CDKL3: variants seen among roughly 807,000 people sequenced by gnomAD.
CDKL3 encodes cyclin-dependent kinase-like 3.
Under a neutral mutation model 69.3 loss-of-function variants are expected in CDKL3, and 65 were observed. The ratio of observed to expected loss-of-function variants is 0.94; its 90% CI spans 0.77 to 1.15. The LOEUF (loss-of-function observed/expected upper bound fraction) is 1.15, where lower values mean the gene tolerates loss of function less well. Among genes scored for constraint, CDKL3 ranks in the 50% most tolerant of loss-of-function variants. The probability of loss-of-function intolerance (pLI) is 0.00; values close to 1 mark genes in which losing one functional copy is unlikely to be tolerated. For missense variants in CDKL3, 652 were observed against 689.2 expected (o/e 0.95, Z 0.61); for synonymous variants, 202 against 221.6 (o/e 0.91, Z 0.79).
intron 6 of CDKL3, 45 bp downstream of exon 6, chr5:134,319,313 G>GAGCA (rs1477837016): frequency 4.9e-5 from 70 of 1,442,934 alleles, no homozygotes; most frequent in Non-Finnish European, 6.3e-5. Context: ...CTGGGCGACA[G>GAGCA]AGCAAGACTC....
chr5:134,300,064 C>T (rs965656182), intron 12 of CDKL3, among the ~76,000 whole-genome samples: 4 of 152,114 alleles, frequency 2.6e-5, no homozygotes, highest in South Asian at 2.1e-4. Context: ...CCTGGCAGGG[C>T]GTGGTGGCTC....
chr5:134,308,071 C>G, intron 9 of CDKL3, 67 bp downstream of exon 9: 3 of 1,497,376 alleles, frequency 2.0e-6, no homozygotes, highest in Middle Eastern at 1.8e-4. Context: ...ACTATGAACA[C>G]GATTCTTTGA....
At chr5:134,362,943 C>G (rs1756413570) in intron 2 of CDKL3, among the ~76,000 whole-genome samples, 1 of 152,040 alleles carries the variant, frequency 6.6e-6, no homozygotes. Context: ...ACAATAACAA[C>G]AACAATAACA....
chr5:134,332,721 G>A (rs1233855611), intron 4 of CDKL3, among the ~76,000 whole-genome samples: 2 of 152,182 alleles, frequency 1.3e-5, no homozygotes, highest in Non-Finnish European at 2.9e-5. Flanking sequence ...TTGAAGTCAG[G>A]TAGTGTGATG....
downstream of CDKL3, among the ~76,000 whole-genome samples, chr5:134,285,621 C>T (rs1289030163): frequency 3.3e-5 from 5 of 152,226 alleles, no homozygotes; most frequent in Admixed American, 1.3e-4. Context: ...GAGACATTTT[C>T]CCCATTGTCT....
chr5:134,349,017 T>TG (rs1418444668), intron 4 of CDKL3, among the ~76,000 whole-genome samples: 1 of 152,178 alleles, frequency 6.6e-6, no homozygotes, highest in African/African-American at 2.4e-5. Flanking sequence ...GTTAGAATCC[T>TG]GGTTCAGTTC....
intron 10 of CDKL3, 33 bp downstream of exon 10, chr5:134,306,576 G>T: frequency 8.5e-7 from 1 of 1,178,450 alleles, no homozygotes; most frequent in Non-Finnish European, 1.3e-6. Flanking sequence ...TGTTAAAAGA[G>T]GCCATATTTT....
At chr5:134,365,640 T>C (rs1032950053) in intron 2 of CDKL3, among the ~76,000 whole-genome samples, 2 of 152,164 alleles carry the variant, frequency 1.3e-5, no homozygotes, top group Admixed American at 6.5e-5. Flanking sequence ...TTCACGACTT[T>C]CCACCTCTTA....
chr5:134,296,803 A>ACACACACACC (rs1329937337), downstream of CDKL3, among the ~76,000 whole-genome samples: 1 of 151,684 alleles, frequency 6.6e-6, no homozygotes, highest in African/African-American at 2.4e-5. Flanking sequence ...ACACACACAC[A>ACACACACACC]CACACACACA....
At chr5:134,301,841 C>A (rs998960412) in intron 12 of CDKL3, among the ~76,000 whole-genome samples, 1 of 152,018 alleles carries the variant, frequency 6.6e-6, no homozygotes, top group Non-Finnish European at 1.5e-5. Context: ...GAGCCGAGAT[C>A]GCGCCACTGC....
At chr5:134,323,244 T>C (rs560407797) in intron 4 of CDKL3, among the ~76,000 whole-genome samples, 3 of 152,174 alleles carry the variant, frequency 2.0e-5, no homozygotes, top group Non-Finnish European at 2.9e-5. Context: ...AACACACATA[T>C]GTAAATTAGC....
intron 4 of CDKL3, among the ~76,000 whole-genome samples, chr5:134,323,075 TG>T (rs1203241345): frequency 1.3e-5 from 2 of 151,972 alleles, no homozygotes; most frequent in African/African-American, 4.8e-5. Flanking sequence ...GCAACATTCA[TG>T]AAAGAAATAA....
At chr5:134,285,919 T>A (rs1024412944), downstream of CDKL3, among the ~76,000 whole-genome samples, 2 of 152,132 alleles carry the variant, frequency 1.3e-5, no homozygotes, top group Admixed American at 6.5e-5. Flanking sequence ...GTCAAGAGAT[T>A]GAGACCATCC....
At chr5:134,336,388 T>C (rs1777114498) in intron 4 of CDKL3, among the ~76,000 whole-genome samples, 1 of 152,190 alleles carries the variant, frequency 6.6e-6, no homozygotes, top group African/African-American at 2.4e-5. Context: ...TTGTGTTCCT[T>C]TGGAGGAGAA....
chr5:134,330,402 G>T (rs145465325), intron 4 of CDKL3, among the ~76,000 whole-genome samples: 9 of 152,160 alleles, frequency 5.9e-5, no homozygotes. Context: ...TTTCCCAGAC[G>T]TTTATTTTGC....
intron 12 of CDKL3, among the ~76,000 whole-genome samples, 170 bp from the exon 13 acceptor site, chr5:134,298,880 T>C (rs1481020469): frequency 8.7e-4 from 133 of 152,228 alleles, no homozygotes; most frequent in Non-Finnish European, 2.4e-4. Flanking sequence ...TCTTTTTTTT[T>C]GCGGGGGGCA....
At chr5:134,348,855 T>G (rs1752561500) in intron 4 of CDKL3, among the ~76,000 whole-genome samples, 1 of 152,204 alleles carries the variant, frequency 6.6e-6, no homozygotes, top group African/African-American at 2.4e-5. Context: ...AATCATTTAA[T>G]CCTCATCACA....
chr5:134,364,271 C>A (rs1459122597), intron 2 of CDKL3, among the ~76,000 whole-genome samples: 1 of 152,136 alleles, frequency 6.6e-6, no homozygotes, highest in Non-Finnish European at 1.5e-5. Context: ...AACTGTCACA[C>A]CTACATAGGA....
At chr5:134,336,549 C>T (rs1777154410) in intron 4 of CDKL3, among the ~76,000 whole-genome samples, 1 of 152,180 alleles carries the variant, frequency 6.6e-6, no homozygotes, top group Non-Finnish European at 1.5e-5. Flanking sequence ...CTATTCCTTT[C>T]TGTTTGTTAG....
Sources: gnomAD v4.1 joint callset for allele counts (sites outside exome capture counted in the v4.1 genomes callset) on GRCh38, gnomAD v4.1.1 for gene constraint, MANE v1.5 for transcripts, NCBI Gene and HGNC (gene_info 2026-07-23, HGNC 2026-07-21) for gene names.